The following MYRFL variants were observed in gnomAD, a reference collection of about 807,000 sequenced individuals.
MYRFL encodes myelin regulatory factor-like protein.
Under a neutral mutation model 109.4 loss-of-function variants are expected in MYRFL, and 88 were observed. The ratio of observed to expected loss-of-function variants is 0.80; its 90% CI spans 0.68 to 0.96. MYRFL has a LOEUF of 0.96. Among genes scored for constraint, MYRFL ranks in the 40% least tolerant of loss-of-function variants. MYRFL has a pLI of 0.00. For missense variants in MYRFL, 957 were observed against 954.9 expected (o/e 1.00, Z -0.03); for synonymous variants, 324 against 320.9 (o/e 1.01, Z -0.10).
chr12:69,936,248 C>T, intron 17 of MYRFL, 35 bp from the exon 18 acceptor site: 1 of 1,535,476 alleles, frequency 6.5e-7, no homozygotes, highest in Non-Finnish European at 8.7e-7. Flanking sequence ...TTTTTGCAGC[C>T]CTCTTTCATT....
At chr12:69,847,025 G>A (rs979390583) in intron 1 of MYRFL, among the ~76,000 whole-genome samples, 4 of 151,726 alleles carry the variant, frequency 2.6e-5, no homozygotes, top group African/African-American at 9.7e-5. Flanking sequence ...CATATCCTTT[G>A]CCCACTTTTT....
chr12:69,944,234 C>A (rs12813213), intron 19 of MYRFL, among the ~76,000 whole-genome samples: 2 of 125,578 alleles, frequency 1.6e-5, no homozygotes, highest in Admixed American at 1.7e-4. Flanking sequence ...CACATGCACA[C>A]GTATGTTTAT....
intron 1 of MYRFL, among the ~76,000 whole-genome samples, chr12:69,829,699 G>T (rs7953743): frequency 6.6e-6 from 1 of 152,108 alleles, no homozygotes; most frequent in Non-Finnish European, 1.5e-5. Context: ...AGAATGGTCC[G>T]GTGAATAGAA....
At chr12:69,950,608 A>T (rs1955949682) in intron 19 of MYRFL, among the ~76,000 whole-genome samples, 1 of 152,104 alleles carries the variant, frequency 6.6e-6, no homozygotes, top group Non-Finnish European at 1.5e-5. Context: ...GGCCTGTTAT[A>T]CTCACTCGAG....
chr12:69,835,257 C>G (rs1490038503), intron 1 of MYRFL, among the ~76,000 whole-genome samples: 1 of 152,138 alleles, frequency 6.6e-6, no homozygotes, highest in Non-Finnish European at 1.5e-5. Context: ...TTCAGCCATG[C>G]CTTGGCAGGG....
chr12:69,939,209 C>T (rs1258834866), intron 19 of MYRFL, among the ~76,000 whole-genome samples: 1 of 152,228 alleles, frequency 6.6e-6, no homozygotes, highest in Non-Finnish European at 1.5e-5. Context: ...GGAGGCCTGC[C>T]TGCCTGTGTA....
chr12:69,927,623 C>G (rs1033694299), intron 14 of MYRFL, 62 bp from the exon 15 acceptor site: 1 of 1,261,306 alleles, frequency 7.9e-7, no homozygotes, highest in Non-Finnish European at 1.1e-6. Context: ...CAGCCTGGGC[C>G]TTTGTCATGT....
At chr12:69,921,467 A>G (rs1954909491) in intron 13 of MYRFL, among the ~76,000 whole-genome samples, 1 of 152,236 alleles carries the variant, frequency 6.6e-6, no homozygotes, top group African/African-American at 2.4e-5. Flanking sequence ...CATAGAAAAG[A>G]ACATTTTCAG....
intron 2 of MYRFL, among the ~76,000 whole-genome samples, chr12:69,857,622 T>C (rs1000361432): frequency 1.3e-5 from 2 of 151,882 alleles, no homozygotes; most frequent in Non-Finnish European, 3.0e-5. Context: ...AAATATTTCA[T>C]GTTCTTCTTT....
rs190876467 is a variant in MYRFL at position 69,933,487 on chromosome 12, A to T, written c.1916+889A>T. On this transcript the variant is annotated intron_variant, in intron 16 of 24. Coordinates refer to ENST00000552032, the MANE Select transcript of MYRFL (RefSeq NM_182530.3). ...TCTGGGGCCCGTCTTAGGGGAGACA[A>T]TTATTCTCAGGGGCAAAGCAAGCTG... Among the ~76,000 whole-genome samples, 116 of 152,200 alleles carry T rather than the reference A, an allele frequency of 7.6e-4. 2 individuals are homozygous for T. The highest frequency in any genetic ancestry group is 2.6e-3 in the African/African-American group (107 of 41,504).
At chr12:69,931,493 C>T (rs1262205532) in intron 15 of MYRFL, among the ~76,000 whole-genome samples, 1 of 152,134 alleles carries the variant, frequency 6.6e-6, no homozygotes, top group African/African-American at 2.4e-5. Flanking sequence ...CATTGAAGAA[C>T]ATTTACTTTA....
intron 5 of MYRFL, among the ~76,000 whole-genome samples, chr12:69,882,305 A>G (rs950658228): frequency 6.8e-6 from 1 of 147,176 alleles, no homozygotes; most frequent in Non-Finnish European, 1.5e-5. Flanking sequence ...CCAAAAAAAG[A>G]AAAAAGAAAG....
intron 21 of MYRFL, among the ~76,000 whole-genome samples, chr12:69,953,108 T>C (rs1289542455): frequency 6.6e-6 from 1 of 152,204 alleles, no homozygotes; most frequent in Non-Finnish European, 1.5e-5. Flanking sequence ...TCCCGTCTCC[T>C]GGTTTAATGG....
intron 19 of MYRFL, among the ~76,000 whole-genome samples, chr12:69,941,656 C>G (rs894381363): frequency 5.2e-5 from 7 of 135,572 alleles, no homozygotes; most frequent in East Asian, 4.2e-4. Flanking sequence ...CATTCAAAAG[C>G]TAGCAGAAGG....
intron 1 of MYRFL, among the ~76,000 whole-genome samples, chr12:69,827,135 T>C (rs1294556857): frequency 6.6e-6 from 1 of 151,898 alleles, no homozygotes; most frequent in Non-Finnish European, 1.5e-5. Context: ...TCAAACACCA[T>C]CTCATATATA....
chr12:69,856,745 AGTTT>A (rs915587433), intron 2 of MYRFL, among the ~76,000 whole-genome samples: 4 of 151,876 alleles, frequency 2.6e-5, no homozygotes, highest in African/African-American at 9.7e-5. Context: ...TTAAAAATTG[AGTTT>A]GTTTTCTTTA....
chr12:69,859,984 G>T (rs928087880), intron 2 of MYRFL, among the ~76,000 whole-genome samples: 1 of 151,996 alleles, frequency 6.6e-6, no homozygotes, highest in Non-Finnish European at 1.5e-5. Context: ...AGGATGTACA[G>T]ACTTGTTACA....
At chr12:69,855,591 T>C (rs959464096) in intron 2 of MYRFL, among the ~76,000 whole-genome samples, 4 of 152,218 alleles carry the variant, frequency 2.6e-5, no homozygotes, top group African/African-American at 9.6e-5. Context: ...GTATATTTAA[T>C]AGATATGGAG....
chr12:69,838,466 T>G (rs1333995182), intron 1 of MYRFL, among the ~76,000 whole-genome samples: 1 of 152,180 alleles, frequency 6.6e-6, no homozygotes, highest in African/African-American at 2.4e-5. Context: ...GGTTATAAAA[T>G]CAATGAGATT....
Sources: allele counts gnomAD v4.1 joint callset (sites outside exome capture counted in the v4.1 genomes callset), GRCh38; gene constraint gnomAD v4.1.1; transcripts MANE v1.5; gene names NCBI Gene and HGNC (gene_info 2026-07-23, HGNC 2026-07-21).